WBP1L: variants seen among roughly 807,000 people sequenced by gnomAD.
The protein encoded by WBP1L is WW domain binding protein 1-like.
WBP1L carries 17 observed loss-of-function variants against 33.7 expected under a neutral mutation model. The ratio of observed to expected loss-of-function variants is 0.50; its 90% CI spans 0.34 to 0.76. The LOEUF (loss-of-function observed/expected upper bound fraction) is 0.76, where lower values mean the gene tolerates loss of function less well. Ranked by LOEUF, WBP1L falls within the 30% of genes least tolerant of loss-of-function variation. WBP1L has a pLI of 0.01. For missense variants in WBP1L, 389 were observed against 469.4 expected (o/e 0.83, Z 1.58); for synonymous variants, 173 against 190.8 (o/e 0.91, Z 0.77).
At chr10:102,806,141 A>T (rs754693704) in intron 2 of WBP1L, among the ~76,000 whole-genome samples, 11 of 151,850 alleles carry the variant, frequency 7.2e-5, no homozygotes, top group Non-Finnish European at 1.2e-4. Flanking sequence ...TGAGCCTGGG[A>T]GGCGGAGGTT....
At chr10:102,793,676 T>C (rs192630761) in intron 1 of WBP1L, among the ~76,000 whole-genome samples, 16 of 152,204 alleles carry the variant, frequency 1.1e-4, no homozygotes, top group Admixed American at 7.9e-4. Context: ...CACAGAATAA[T>C]GTTGATAGTA....
At chr10:102,777,582 T>TC (rs1346663877) in intron 1 of WBP1L, among the ~76,000 whole-genome samples, 1 of 142,922 alleles carries the variant, frequency 7.0e-6, no homozygotes, top group African/African-American at 2.7e-5. Context: ...TTTTTTTTTT[T>TC]TTTTTGAGAT....
At chr10:102,757,580 T>A (rs1842991737) in intron 1 of WBP1L, among the ~76,000 whole-genome samples, 1 of 146,004 alleles carries the variant, frequency 6.8e-6, no homozygotes, top group Admixed American at 6.8e-5. Flanking sequence ...TTTTTTTTTT[T>A]TTTTTTTTTT....
chr10:102,787,402 C>T (rs1015020321), intron 1 of WBP1L, among the ~76,000 whole-genome samples: 3 of 151,894 alleles, frequency 2.0e-5, no homozygotes, highest in East Asian at 1.9e-4. Flanking sequence ...GCCTGAGCAA[C>T]GTAGTGAGAT....
At position 102,812,979 on chromosome 10, in the gene WBP1L, A is replaced by G; in HGVS notation, c.740A>G (p.Asp247Gly). 6.2e-7 allele frequency: 1 copy of G among 1,611,816 alleles called. No individual in the cohort carries two copies. The highest frequency in any genetic ancestry group is 2.2e-5 in the East Asian group (1 of 44,832). Reference sequence around the variant, plus strand: ...TGTAGGGAGGAGCTGCTGAAAGATGACAGCTCTGAACACGGCGCACCCGAC... The same window carrying G: ...TGTAGGGAGGAGCTGCTGAAAGATGGCAGCTCTGAACACGGCGCACCCGAC... The part of the protein sequence containing the change: ...AECREELLKD[D>G]SSEHGAPDSK... The change falls in exon 4 of 4, where the codon GAC becomes GGC. Residue 247 changes from aspartate to glycine, a missense_variant. Coordinates refer to ENST00000448841, the MANE Select transcript of WBP1L (RefSeq NM_001083913.2).
chr10:102,794,701 A>G (rs1212390937), intron 1 of WBP1L, among the ~76,000 whole-genome samples: 1 of 152,162 alleles, frequency 6.6e-6, no homozygotes, highest in Non-Finnish European at 1.5e-5. Context: ...GTTAGCTGTG[A>G]TCAGGCCACT....
intron 1 of WBP1L, among the ~76,000 whole-genome samples, chr10:102,755,723 A>G (rs1842966622): frequency 6.6e-6 from 1 of 151,820 alleles, no homozygotes; most frequent in South Asian, 2.1e-4. Context: ...CAAAAACAAC[A>G]CGTGCTCATA....
At chr10:102,809,743 A>T (rs1843800870) in intron 2 of WBP1L, 150 bp from the exon 3 acceptor site, 5 of 829,106 alleles carry the variant, frequency 6.0e-6, no homozygotes, top group Non-Finnish European at 9.4e-6. Flanking sequence ...GAAATTGATC[A>T]CATGGCTTCA....
In WBP1L at chr10:102,806,286, T is replaced by C. The variant is rs185360702; in HGVS notation, c.194-3607T>C. 3.0e-3 allele frequency among the ~76,000 whole-genome samples: 461 copies of C among 151,438 alleles called. 1 individual carries two copies. The highest frequency in any genetic ancestry group is 5.0e-3 in the Non-Finnish European group (340 of 67,834). On this transcript the variant is annotated intron_variant, in intron 2 of 3. Transcript: ENST00000448841. ...CACAGAAGTATAATGGACTGTGAGATTACACTGAGAAAGTAAGAGAAGTAT... is the reference window on the plus strand; with the variant it reads ...CACAGAAGTATAATGGACTGTGAGACTACACTGAGAAAGTAAGAGAAGTAT...
chr10:102,752,195 C>A (rs1842930354), intron 1 of WBP1L, among the ~76,000 whole-genome samples: 1 of 152,108 alleles, frequency 6.6e-6, no homozygotes, highest in African/African-American at 2.4e-5. Flanking sequence ...CAGGACAGCC[C>A]CCCACGACAA....
chr10:102,754,598 A>G (rs192999149), intron 1 of WBP1L, among the ~76,000 whole-genome samples: 3 of 151,816 alleles, frequency 2.0e-5, no homozygotes, highest in Non-Finnish European at 2.9e-5. Flanking sequence ...GGGTTTCACT[A>G]TGTTGGCCAG....
intron 2 of WBP1L, among the ~76,000 whole-genome samples, chr10:102,808,299 A>G (rs573242867): frequency 1.3e-5 from 2 of 152,142 alleles, no homozygotes; most frequent in African/African-American, 4.8e-5. Context: ...TTTTCCTTTC[A>G]GTTCTTTCCC....
intron 1 of WBP1L, among the ~76,000 whole-genome samples, chr10:102,767,289 G>T (rs189688376): frequency 2.0e-5 from 3 of 152,272 alleles, no homozygotes; most frequent in East Asian, 3.9e-4. Flanking sequence ...TTCTTGTTTG[G>T]GGGGTGGGGA....
intron 1 of WBP1L, among the ~76,000 whole-genome samples, chr10:102,761,123 T>G: frequency 1.2e-5 from 1 of 80,740 alleles, no homozygotes; most frequent in East Asian, 3.8e-4. Flanking sequence ...GCCAGGCTGT[T>G]TTTTTTTTTT....
intron 2 of WBP1L, among the ~76,000 whole-genome samples, chr10:102,799,283 G>A (rs975071490): frequency 3.3e-5 from 5 of 151,756 alleles, no homozygotes; most frequent in East Asian, 1.9e-4. Context: ...CCGAGGTTGC[G>A]CCACTGCACT....
intron 1 of WBP1L, among the ~76,000 whole-genome samples, chr10:102,756,774 A>C (rs1842982473): frequency 6.6e-6 from 1 of 152,028 alleles, no homozygotes. Flanking sequence ...CATTCGCATC[A>C]ATAGGATCTG....
chr10:102,762,184 G>T lies in WBP1L; in HGVS notation c.90+18041G>T, dbSNP rs77096179. On this transcript the variant is annotated intron_variant, in intron 1 of 3. Coordinates refer to ENST00000448841, the MANE Select transcript of WBP1L (RefSeq NM_001083913.2). Reference sequence around the variant, plus strand: ...TAGTGGTCGCACCACTCCAGCCTGGGTGACCCTGTCTCAAAAAATGAAGAA... The same window carrying T: ...TAGTGGTCGCACCACTCCAGCCTGGTTGACCCTGTCTCAAAAAATGAAGAA... Among the ~76,000 whole-genome samples, 759 of 152,170 alleles carry T rather than the reference G, an allele frequency of 5.0e-3. 45 individuals are homozygous for T. In the East Asian group the frequency reaches 0.12, roughly 25 times the overall value.
chr10:102,809,414 C>G (rs1194665522), intron 2 of WBP1L, among the ~76,000 whole-genome samples: 1 of 152,018 alleles, frequency 6.6e-6, no homozygotes, highest in African/African-American at 2.4e-5. Flanking sequence ...CTCTGTCGCC[C>G]AGGCTGGAGT....
chr10:102,753,814 G>A (rs950998744), intron 1 of WBP1L, among the ~76,000 whole-genome samples: 4 of 152,166 alleles, frequency 2.6e-5, no homozygotes, highest in African/African-American at 9.7e-5. Flanking sequence ...TCTGTGGCTT[G>A]GAAGGGTGGG....
Sources: gnomAD v4.1 joint callset for allele counts (sites outside exome capture counted in the v4.1 genomes callset) on GRCh38, gnomAD v4.1.1 for gene constraint, MANE v1.5 for transcripts, NCBI Gene and HGNC (gene_info 2026-07-23, HGNC 2026-07-21) for gene names.